ARHGAP6: variants seen among roughly 807,000 people sequenced by gnomAD.
ARHGAP6 encodes rho GTPase-activating protein 6.
A neutral mutation model predicts 55.7 loss-of-function variants in ARHGAP6; 16 were observed. That is an observed-to-expected ratio of 0.29 (90% confidence interval 0.19 to 0.44). The LOEUF (loss-of-function observed/expected upper bound fraction) is 0.44. Ranked by LOEUF, ARHGAP6 falls within the 20% of genes least tolerant of loss-of-function variation. ARHGAP6 has a pLI of 1.00. For missense variants in ARHGAP6, 698 were observed against 808.9 expected (o/e 0.86, Z 1.66); for synonymous variants, 382 against 360.9 (o/e 1.06, Z -0.66).
intron 1 of ARHGAP6, among the ~76,000 whole-genome samples, chrX:11,437,969 T>C (rs1033475481): frequency 1.8e-5 from 2 of 112,645 alleles, no homozygotes; most frequent in Non-Finnish European, 3.8e-5. Flanking sequence ...CTAAAGGCTA[T>C]GTATGACCTT....
At chrX:11,258,543 AT>A (rs890659931) in intron 1 of ARHGAP6, among the ~76,000 whole-genome samples, 1 of 111,682 alleles carries the variant, frequency 9.0e-6, no homozygotes, top group Non-Finnish European at 1.9e-5. Context: ...GCCAATTTAT[AT>A]TTTTCTTGAG....
intron 1 of ARHGAP6, among the ~76,000 whole-genome samples, chrX:11,633,341 G>T (rs2052381014): frequency 8.9e-6 from 1 of 112,148 alleles, no homozygotes; most frequent in Non-Finnish European, 1.9e-5. Flanking sequence ...GAATGCCTTT[G>T]CAGAAACAGT....
At chrX:11,484,914 T>G (rs1347798144) in intron 1 of ARHGAP6, among the ~76,000 whole-genome samples, 1 of 111,755 alleles carries the variant, frequency 8.9e-6, no homozygotes, top group Admixed American at 9.5e-5. Context: ...GTCACACAGT[T>G]AAGTGGGTGA....
At chrX:11,225,376 A>G (rs2047031889) in intron 2 of ARHGAP6, among the ~76,000 whole-genome samples, 1 of 111,553 alleles carries the variant, frequency 9.0e-6, no homozygotes, top group Non-Finnish European at 1.9e-5. Context: ...ATCTGTGGTC[A>G]ACAAATTGTA....
intron 1 of ARHGAP6, among the ~76,000 whole-genome samples, chrX:11,504,046 CA>C (rs2050707321): frequency 9.4e-6 from 1 of 106,414 alleles, no homozygotes; most frequent in Non-Finnish European, 1.9e-5. Flanking sequence ...AGTTATGTAT[CA>C]ATTTTTTTTG....
At chrX:11,308,896 C>A (rs1301599960) in intron 1 of ARHGAP6, among the ~76,000 whole-genome samples, 1 of 112,133 alleles carries the variant, frequency 8.9e-6, no homozygotes, top group Non-Finnish European at 1.9e-5. Flanking sequence ...TTGCTCTGAA[C>A]TTTCAATAAA....
intron 1 of ARHGAP6, among the ~76,000 whole-genome samples, chrX:11,328,645 T>C (rs1007664268): frequency 8.9e-6 from 1 of 112,581 alleles, no homozygotes; most frequent in African/African-American, 3.2e-5. Flanking sequence ...ATTAATGATG[T>C]ACAAGTGTCT....
At chrX:11,364,359 T>TAA (rs374839765) in intron 1 of ARHGAP6, among the ~76,000 whole-genome samples, 10 of 93,919 alleles carry the variant, frequency 1.1e-4, no homozygotes, top group South Asian at 4.8e-4. Context: ...CTAAAAATGT[T>TAA]AAAAAAAAAA....
chrX:11,175,952 C>G (rs1031432319), intron 8 of ARHGAP6, among the ~76,000 whole-genome samples: 2 of 107,420 alleles, frequency 1.9e-5, no homozygotes, highest in Non-Finnish European at 3.8e-5. Context: ...GTAAGGGGAC[C>G]AACCCAACCC....
intron 8 of ARHGAP6, among the ~76,000 whole-genome samples, chrX:11,176,257 A>ATTTT (rs1423700076): frequency 7.0e-4 from 53 of 75,248 alleles, no homozygotes; most frequent in African/African-American, 2.3e-3. Flanking sequence ...ATATATATAT[A>ATTTT]TATATATTTG....
At chrX:11,233,893 G>C (rs776967123) in intron 2 of ARHGAP6, among the ~76,000 whole-genome samples, 1 of 112,308 alleles carries the variant, frequency 8.9e-6, no homozygotes, top group East Asian at 2.8e-4. Flanking sequence ...TCTCACATAG[G>C]ACAATGGTAA....
At chrX:11,156,496 C>A (rs369443547) in intron 10 of ARHGAP6, 33 bp downstream of exon 10, 5 of 1,116,363 alleles carry the variant, frequency 4.5e-6, no homozygotes, top group East Asian at 3.0e-5. Context: ...ATCTCCAATG[C>A]GGCTTTAGAA....
chrX:11,435,836 A>G (rs1253064381), intron 1 of ARHGAP6, among the ~76,000 whole-genome samples: 4 of 111,978 alleles, frequency 3.6e-5, no homozygotes, highest in African/African-American at 6.5e-5. Flanking sequence ...AGAAATGACC[A>G]TAACATTTGG....
At chrX:11,639,160 A>G (rs1227245242) in intron 1 of ARHGAP6, among the ~76,000 whole-genome samples, 1 of 111,727 alleles carries the variant, frequency 9.0e-6, no homozygotes, top group Non-Finnish European at 1.9e-5. Context: ...TAAGTCTGAA[A>G]CAAGGGACAT....
At chrX:11,269,835 C>G (rs1195978963) in intron 1 of ARHGAP6, among the ~76,000 whole-genome samples, 1 of 111,722 alleles carries the variant, frequency 9.0e-6, no homozygotes, top group East Asian at 2.8e-4. Flanking sequence ...CCATTCCTAG[C>G]ACCCTGACCT....
At chrX:11,644,437 C>T (rs996191613) in intron 1 of ARHGAP6, among the ~76,000 whole-genome samples, 1 of 110,894 alleles carries the variant, frequency 9.0e-6, no homozygotes, top group Non-Finnish European at 1.9e-5. Context: ...AAATAGATGC[C>T]TTCATTATGT....
intron 1 of ARHGAP6, among the ~76,000 whole-genome samples, chrX:11,388,263 G>C (rs1264638229): frequency 8.9e-6 from 1 of 111,885 alleles, no homozygotes; most frequent in African/African-American, 3.3e-5. Context: ...GTGTGAGATG[G>C]TATCTCATTG....
chrX:11,505,348 A>T (rs1271028861), intron 1 of ARHGAP6, among the ~76,000 whole-genome samples: 1 of 111,576 alleles, frequency 9.0e-6, no homozygotes, highest in Non-Finnish European at 1.9e-5. Context: ...CCACAATGAG[A>T]TACCATCGCA....
intron 1 of ARHGAP6, among the ~76,000 whole-genome samples, chrX:11,388,014 A>C (rs2049352399): frequency 8.9e-6 from 1 of 111,940 alleles, no homozygotes; most frequent in South Asian, 3.7e-4. Context: ...CAATAAACAT[A>C]CGTGTGCATG....
Sources: allele counts gnomAD v4.1 joint callset (sites outside exome capture counted in the v4.1 genomes callset), GRCh38; gene constraint gnomAD v4.1.1; transcripts MANE v1.5; gene names NCBI Gene and HGNC (gene_info 2026-07-23, HGNC 2026-07-21).